The following DDAH1 variants were observed in gnomAD, a reference collection of about 807,000 sequenced individuals.
The protein encoded by DDAH1 is N(G),N(G)-dimethylarginine dimethylaminohydrolase 1.
DDAH1 carries 19 observed loss-of-function variants against 28.8 expected under a neutral mutation model. The observed-to-expected ratio is 0.66, with a 90% CI of 0.46 to 0.97. The LOEUF (loss-of-function observed/expected upper bound fraction) is 0.97. DDAH1 is among the 50% of genes least tolerant of loss of function. The probability of loss-of-function intolerance (pLI) is 0.00; values close to 1 mark genes in which losing one functional copy is unlikely to be tolerated. For synonymous variants in DDAH1, 153 were observed against 154.4 expected, an observed-to-expected ratio of 0.99 and a Z score of 0.07; for missense variants, 326 against 375.9, an observed-to-expected ratio of 0.87 and a Z score of 1.10.
At chr1:85,424,676 T>G (rs555619942) in intron 1 of DDAH1, among the ~76,000 whole-genome samples, 1 of 152,224 alleles carries the variant, frequency 6.6e-6, no homozygotes, top group East Asian at 1.9e-4. Context: ...CAGTCAATTT[T>G]CCTGAGTTCC....
intron 1 of DDAH1, among the ~76,000 whole-genome samples, chr1:85,504,367 G>A (rs1656931771): frequency 6.6e-6 from 1 of 152,160 alleles, no homozygotes. Flanking sequence ...AACTTATTGA[G>A]TCAATAAAAA....
At chr1:85,492,843 G>A (rs572364303) in intron 2 of DDAH1, among the ~76,000 whole-genome samples, 10 of 152,178 alleles carry the variant, frequency 6.6e-5, no homozygotes, top group African/African-American at 1.9e-4. Context: ...ACAATGTCAA[G>A]GGAACCAACC....
intron 2 of DDAH1, among the ~76,000 whole-genome samples, chr1:85,471,352 C>A (rs954323797): frequency 1.3e-5 from 2 of 152,186 alleles, no homozygotes; most frequent in Admixed American, 6.5e-5. Context: ...TCTTTACCTG[C>A]TCACACCTCT....
chr1:85,368,558 G>A (rs1318222546), intron 1 of DDAH1, among the ~76,000 whole-genome samples: 1 of 152,170 alleles, frequency 6.6e-6, no homozygotes, highest in Non-Finnish European at 1.5e-5. Flanking sequence ...ACTAATTCAA[G>A]CGGTTCAATT....
chr1:85,553,236 A>G (rs1436476721), intron 1 of DDAH1, among the ~76,000 whole-genome samples: 1 of 152,206 alleles, frequency 6.6e-6, no homozygotes, highest in African/African-American at 2.4e-5. Context: ...CATCTCCAGG[A>G]GGAACAGTAG....
In DDAH1 at chr1:85,513,531, C is replaced by G. The variant is rs528318819; in HGVS notation, c.-122-17250G>C. Among the ~76,000 whole-genome samples the G allele has an allele frequency of 8.9e-4, 136 of 152,146 alleles. 1 individual carries two copies. Among genetic ancestry groups the G allele is most frequent in the African/African-American group, 3.2e-3 (133 of 41,500 alleles). On this transcript the variant is annotated intron_variant, in intron 1 of 6. Transcript: ENST00000426972. ...CTAATTAAACTAAAGAGCTTCTGCA[C>G]GACAAAAGAAACTACCGTCAGAGTG...
At chr1:85,550,592 A>G (rs1393967952) in intron 1 of DDAH1, among the ~76,000 whole-genome samples, 3 of 152,244 alleles carry the variant, frequency 2.0e-5, no homozygotes, top group Admixed American at 6.5e-5. Context: ...CTTAGAGGTG[A>G]AAACATCTGA....
At chr1:85,504,105 G>A (rs1211248357) in intron 1 of DDAH1, among the ~76,000 whole-genome samples, 1 of 152,190 alleles carries the variant, frequency 6.6e-6, no homozygotes, top group African/African-American at 2.4e-5. Context: ...TGCATTGTAG[G>A]GAAGCAAGAG....
At chr1:85,404,644 A>C in intron 1 of DDAH1, 3 of 689,934 alleles carry the variant, frequency 4.3e-6, no homozygotes, top group South Asian at 1.2e-4. Context: ...CTGTAGACTC[A>C]AGTATTTCTT....
chr1:85,347,161 G>A (rs1287593846), intron 4 of DDAH1, among the ~76,000 whole-genome samples: 1 of 152,216 alleles, frequency 6.6e-6, no homozygotes, highest in Non-Finnish European at 1.5e-5. Flanking sequence ...CTTTTACACT[G>A]TTGGTGGGAC....
intron 2 of DDAH1, among the ~76,000 whole-genome samples, chr1:85,484,600 A>G (rs541208939): frequency 6.6e-6 from 1 of 152,374 alleles, no homozygotes; most frequent in East Asian, 1.9e-4. Context: ...CAAGATCTAC[A>G]GTCAGACTAA....
In DDAH1 at chr1:85,497,051, C is replaced by T. The variant is rs143497323; in HGVS notation, c.-122-770G>A. Among the ~76,000 whole-genome samples the T allele has an allele frequency of 5.8e-3, 883 of 152,140 alleles. 4 individuals are homozygous for T. Among genetic ancestry groups the T allele is most frequent in the Non-Finnish European group, 9.0e-3 (614 of 67,988 alleles). On this transcript the variant is annotated intron_variant, in intron 1 of 6. Coordinates refer to the DDAH1 transcript ENST00000426972. Reference sequence around the variant, plus strand: ...AAACAGAAAAAAATAATTCTTATACCAGAAATGTTTTGGATACCACCAGGA... The same window carrying T: ...AAACAGAAAAAAATAATTCTTATACTAGAAATGTTTTGGATACCACCAGGA...
At chr1:85,339,784 G>A (rs987587150) in intron 4 of DDAH1, among the ~76,000 whole-genome samples, 14 of 152,164 alleles carry the variant, frequency 9.2e-5, no homozygotes, top group African/African-American at 2.2e-4. Flanking sequence ...CAACACCTAC[G>A]GCATTTAATA....
chr1:85,367,514 C>T (rs532490421), intron 1 of DDAH1, among the ~76,000 whole-genome samples: 1 of 152,282 alleles, frequency 6.6e-6, no homozygotes, highest in Admixed American at 6.5e-5. Flanking sequence ...ATAATAAATA[C>T]AATTTATTAA....
At chr1:85,395,925 G>C (rs1425987877) in intron 1 of DDAH1, among the ~76,000 whole-genome samples, 2 of 152,032 alleles carry the variant, frequency 1.3e-5, no homozygotes, top group East Asian at 3.9e-4. Context: ...GACTTTTTAG[G>C]TATGTGGCCT....
intron 2 of DDAH1, among the ~76,000 whole-genome samples, chr1:85,490,284 C>T (rs1656344538): frequency 6.6e-6 from 1 of 152,094 alleles, no homozygotes; most frequent in Non-Finnish European, 1.5e-5. Flanking sequence ...ATCAAGGTAA[C>T]CTTGAATTGA....
chr1:85,383,745 GC>G (rs1307656542), intron 1 of DDAH1, among the ~76,000 whole-genome samples: 2 of 152,274 alleles, frequency 1.3e-5, no homozygotes, highest in Non-Finnish European at 2.9e-5. Context: ...TAGGTCGGCA[GC>G]CATCGACATT....
intron 1 of DDAH1, among the ~76,000 whole-genome samples, chr1:85,507,673 C>T (rs1226916705): frequency 6.6e-6 from 1 of 151,960 alleles, no homozygotes; most frequent in East Asian, 1.9e-4. Context: ...CAGGTTTTCC[C>T]TAAATGTTTC....
In DDAH1 at chr1:85,360,685, T is replaced by C. The variant is rs554264126; in HGVS notation, c.304-1838A>G. Among the ~76,000 whole-genome samples the C allele has an allele frequency of 3.2e-4, 49 of 152,336 alleles. 1 individual carries two copies. Among genetic ancestry groups the C allele is most frequent in the African/African-American group, 1.1e-3 (47 of 41,582 alleles). On this transcript the variant is annotated intron_variant, in intron 1 of 5. Transcript: ENST00000284031. ...GGTTTGAAAAGTTTGTATGTAACTA[T>C]GCAACATTTCAACTCAGGAACTGTA... is the stretch of plus-strand genomic sequence containing the variant.
Sources: gnomAD v4.1 joint callset for allele counts (sites outside exome capture counted in the v4.1 genomes callset) on GRCh38, gnomAD v4.1.1 for gene constraint, MANE v1.5 for transcripts, NCBI Gene and HGNC (gene_info 2026-07-23, HGNC 2026-07-21) for gene names.